The following RYR2 variants were observed in gnomAD, a reference collection of about 807,000 sequenced individuals.
RYR2 encodes cardiac muscle ryanodine receptor-calcium release channel.
Under a neutral mutation model 601.1 loss-of-function variants are expected in RYR2, and 227 were observed. That is an observed-to-expected ratio of 0.38 (90% CI 0.34 to 0.42). The LOEUF (loss-of-function observed/expected upper bound fraction) is 0.42. Among genes scored for constraint, RYR2 ranks in the 10% least tolerant of loss-of-function variants. RYR2 has a pLI of 1.00. For synonymous variants in RYR2, 2,223 were observed against 2,175.1 expected, an observed-to-expected ratio of 1.02 and a Z score of -0.61; for missense variants, 4,646 against 6,156.5, an observed-to-expected ratio of 0.75 and a Z score of 8.21.
intron 1 of RYR2, among the ~76,000 whole-genome samples, chr1:237,137,200 G>T (rs1306318442): frequency 6.6e-6 from 1 of 152,034 alleles, no homozygotes; most frequent in Non-Finnish European, 1.5e-5. Context: ...ATGAATTTCA[G>T]TCCCCTTAAG....
intron 89 of RYR2, among the ~76,000 whole-genome samples, chr1:237,783,408 G>T (rs1695287260): frequency 6.6e-6 from 1 of 152,042 alleles, no homozygotes; most frequent in South Asian, 2.1e-4. Flanking sequence ...TCTAAAACAT[G>T]TTGCTTCTTT....
intron 24 of RYR2, among the ~76,000 whole-genome samples, chr1:237,517,859 A>G (rs925943802): frequency 2.0e-5 from 3 of 152,050 alleles, no homozygotes; most frequent in African/African-American, 7.2e-5. Flanking sequence ...TAGTCCTCAA[A>G]AGGTATCCAG....
chr1:237,108,544 G>A (rs1669029972), intron 1 of RYR2, among the ~76,000 whole-genome samples: 1 of 152,190 alleles, frequency 6.6e-6, no homozygotes, highest in Non-Finnish European at 1.5e-5. Flanking sequence ...CAGAGAACAG[G>A]GCTGAGCTGC....
At chr1:237,647,557 A>T (rs748887856) in intron 48 of RYR2, among the ~76,000 whole-genome samples, 23 of 152,184 alleles carry the variant, frequency 1.5e-4, no homozygotes, top group Non-Finnish European at 2.5e-4. Flanking sequence ...TTTTTCATTG[A>T]CTATACGTGG....
In RYR2 at chr1:237,118,864, T is replaced by A. The variant is rs554743082; in HGVS notation, c.48+76295T>A. Among the ~76,000 whole-genome samples, 11 of 152,260 alleles carry A rather than the reference T, an allele frequency of 7.2e-5. No individual in the cohort carries two copies. The East Asian group carries it at 2.1e-3, about 29-fold the overall frequency. On this transcript the variant is annotated intron_variant, in intron 1 of 104. Transcript: ENST00000366574. ...TTATTCTAATAGTTATGGTTCAATA[T>A]TTAAAGAAACCGGAACTACTTAGTC... is the stretch of plus-strand genomic sequence containing the variant.
intron 61 of RYR2, among the ~76,000 whole-genome samples, chr1:237,679,094 T>A (rs866295645): frequency 1.3e-5 from 2 of 152,302 alleles, no homozygotes; most frequent in Middle Eastern, 6.8e-3. Flanking sequence ...CCAAAGTTTG[T>A]CCTGGGGTGC....
At position 237,727,119 on chromosome 1, in the gene RYR2, A is replaced by G. The variant is rs2149142188; in HGVS notation, c.10758A>G (p.Val3586=). 6.2e-7 allele frequency: 1 copy of G among 1,603,272 alleles called. No homozygotes were observed. The highest frequency in any genetic ancestry group is 8.5e-7 in the Non-Finnish European group (1 of 1,170,434). ...VEHPQRSKKA[V]WHKLLSKQRK... is the part of the protein sequence containing the mutation. ...ATCCTCAGAGATCTAAAAAGGCTGTATGGCATAAACTACTGTCCAAGCAGA... is the reference window on the plus strand; with the variant it reads ...ATCCTCAGAGATCTAAAAAGGCTGTGTGGCATAAACTACTGTCCAAGCAGA... The change falls in exon 76 of 105, where the codon GTA becomes GTG. Residue 3586 remains valine (V), a synonymous_variant. Coordinates refer to ENST00000366574, the MANE Select transcript of RYR2 (RefSeq NM_001035.3).
chr1:237,777,651 A>C (rs1694772941), intron 87 of RYR2, among the ~76,000 whole-genome samples: 1 of 152,208 alleles, frequency 6.6e-6, no homozygotes, highest in Non-Finnish European at 1.5e-5. Context: ...TGGCTCCATG[A>C]AAACAGTCTG....
At chr1:237,196,060 G>C (rs1338049763) in intron 1 of RYR2, among the ~76,000 whole-genome samples, 1 of 152,196 alleles carries the variant, frequency 6.6e-6, no homozygotes, top group Non-Finnish European at 1.5e-5. Context: ...GGACATCGTA[G>C]CAGTGCTTTG....
At position 237,388,166 on chromosome 1, in the gene RYR2, T is replaced by C; in HGVS notation, c.756T>C (p.His252=). 3.1e-6 allele frequency: 5 copies of C among 1,613,846 alleles called. No individual in the cohort carries two copies. Among genetic ancestry groups the C allele is most frequent in the Non-Finnish European group, 3.4e-6 (4 of 1,179,866 alleles). Residue 252 remains histidine (H), a synonymous_variant, in exon 10 of 105, where the codon CAT becomes CAC. Coordinates refer to ENST00000366574, the MANE Select transcript of RYR2 (RefSeq NM_001035.3). ...GTCTCACTGTCCCTTCAGGAGAACATGGTGAAGAGCAGCGGAGGTTAGTAC... is the reference window on the plus strand; with the variant it reads ...GTCTCACTGTCCCTTCAGGAGAACACGGTGAAGAGCAGCGGAGGTTAGTAC... ...DECLTVPSGE[H]GEEQRRTVHY...
chr1:237,256,011 A>G (rs1012252991), intron 1 of RYR2, among the ~76,000 whole-genome samples: 2 of 151,936 alleles, frequency 1.3e-5, no homozygotes, highest in African/African-American at 4.8e-5. Flanking sequence ...TTGCCTTTTG[A>G]TGTGGTTTGG....
At chr1:237,122,909 A>T (rs543036565) in intron 1 of RYR2, among the ~76,000 whole-genome samples, 1 of 152,284 alleles carries the variant, frequency 6.6e-6, no homozygotes, top group East Asian at 1.9e-4. Flanking sequence ...TTAATTAAAA[A>T]CCTTATGTAT....
At chr1:237,146,942 T>C (rs115850453) in intron 1 of RYR2, among the ~76,000 whole-genome samples, 2,031 of 152,268 alleles carry the variant, frequency 0.013, 46 homozygotes, top group African/African-American at 0.045. Flanking sequence ...ATACTACTTG[T>C]TAAAATCTAA....
chr1:237,411,506 A>T (rs1163907712), intron 10 of RYR2, among the ~76,000 whole-genome samples: 1 of 151,776 alleles, frequency 6.6e-6, no homozygotes, highest in Non-Finnish European at 1.5e-5. Flanking sequence ...TTGAATCTTA[A>T]CTCCCTATAT....
intron 28 of RYR2, 86 bp from the exon 29 acceptor site, chr1:237,569,059 C>A: frequency 8.5e-7 from 1 of 1,177,790 alleles, no homozygotes; most frequent in Non-Finnish European, 1.2e-6. Flanking sequence ...ATAGAAGGGA[C>A]TGCTGTTAGG....
At chr1:237,445,996 T>C (rs143852580) in intron 14 of RYR2, among the ~76,000 whole-genome samples, 18 of 152,156 alleles carry the variant, frequency 1.2e-4, no homozygotes, top group African/African-American at 4.1e-4. Context: ...TTTGTATTTT[T>C]AGTAGAGATA....
At chr1:237,160,674 T>C (rs1675908834) in intron 1 of RYR2, among the ~76,000 whole-genome samples, 1 of 152,064 alleles carries the variant, frequency 6.6e-6, no homozygotes, top group Non-Finnish European at 1.5e-5. Context: ...CATTGATCTT[T>C]ATAGTTCTTT....
At chr1:237,181,331 C>T (rs1678735653) in intron 1 of RYR2, among the ~76,000 whole-genome samples, 1 of 151,790 alleles carries the variant, frequency 6.6e-6, no homozygotes, top group Non-Finnish European at 1.5e-5. Flanking sequence ...CAGTAGCCCA[C>T]AAGACAGGTT....
chr1:237,160,249 C>T (rs968127875), intron 1 of RYR2, among the ~76,000 whole-genome samples: 1 of 152,164 alleles, frequency 6.6e-6, no homozygotes, highest in Non-Finnish European at 1.5e-5. Context: ...GCAGGATACA[C>T]ATGAATGATC....
Sources: allele counts gnomAD v4.1 joint callset (sites outside exome capture counted in the v4.1 genomes callset), GRCh38; gene constraint gnomAD v4.1.1; transcripts MANE v1.5; gene names NCBI Gene and HGNC (gene_info 2026-07-23, HGNC 2026-07-21).